Variants in GRAMD4 observed in about 807,000 individuals in gnomAD.
GRAMD4 encodes GRAM domain-containing protein 4.
A neutral mutation model predicts 83.9 loss-of-function variants in GRAMD4; 25 were observed. The ratio of observed to expected loss-of-function variants is 0.30; its 90% CI spans 0.22 to 0.42. The LOEUF is 0.42. GRAMD4 is among the 10% of genes least tolerant of loss of function. GRAMD4 has a pLI of 1.00. For missense variants in GRAMD4, 593 were observed against 788.7 expected (o/e 0.75, Z 2.97); for synonymous variants, 336 against 320.9 (o/e 1.05, Z -0.50).
At chr22:46,660,595 T>C (rs1478889056) in intron 4 of GRAMD4, among the ~76,000 whole-genome samples, 1 of 152,238 alleles carries the variant, frequency 6.6e-6, no homozygotes, top group Non-Finnish European at 1.5e-5. Flanking sequence ...AAGAAAATTC[T>C]CAGAAAGTCA....
At chr22:46,592,964 C>T (rs1447227695) in intron 1 of GRAMD4, among the ~76,000 whole-genome samples, 2 of 152,154 alleles carry the variant, frequency 1.3e-5, no homozygotes, top group Non-Finnish European at 2.9e-5. Context: ...ATAAACCCCA[C>T]ATTGTGATTA....
At chr22:46,635,107 G>A (rs145621144) in intron 2 of GRAMD4, among the ~76,000 whole-genome samples, 1,255 of 70,624 alleles carry the variant, frequency 0.018, 30 homozygotes, top group African/African-American at 0.03. Context: ...CCCTGCCCCC[G>A]CCCCCAGCCA....
At chr22:46,650,636 G>T (rs1349240376) in intron 3 of GRAMD4, among the ~76,000 whole-genome samples, 1 of 152,270 alleles carries the variant, frequency 6.6e-6, no homozygotes, top group Non-Finnish European at 1.5e-5. Context: ...CGTGAAGGCT[G>T]GAGCAGGTGG....
intron 5 of GRAMD4, among the ~76,000 whole-genome samples, chr22:46,662,452 T>A (rs2082342261): frequency 6.6e-6 from 1 of 152,250 alleles, no homozygotes; most frequent in South Asian, 2.1e-4. Context: ...TTTCCCGCCG[T>A]GGAGGCTGCT....
chr22:46,637,929 G>A lies in GRAMD4; in HGVS notation c.252G>A (p.Leu84=). The change falls in exon 3 of 19, where the codon CTG becomes CTA. Residue 84 remains leucine, a synonymous_variant. Coordinates refer to ENST00000406902, the MANE Select transcript of GRAMD4 (RefSeq NM_015124.5). ...FDRLNEIKGH[L]EIALLEKHFL... is the part of the protein sequence containing the mutation. ...GACTGAATGAGATCAAAGGTCACCT[G>A]GAAATTGCCTTATTGGAAAAACATT... The A allele has an allele frequency of 6.2e-7, 1 of 1,614,076 alleles. No individual in the cohort carries two copies. The highest frequency in any genetic ancestry group is 1.3e-5 in the African/African-American group (1 of 75,050).
chr22:46,680,586 C>CCACCCACCCCCCCATT, downstream of GRAMD4, among the ~76,000 whole-genome samples: 1 of 23,146 alleles, frequency 4.3e-5, no homozygotes. Flanking sequence ...ATCCATCCAT[C>CCACCCACCCCCCCATT]CATCCATCCA....
chr22:46,582,390 G>A (rs1016676545), intron 1 of GRAMD4, among the ~76,000 whole-genome samples: 5 of 152,168 alleles, frequency 3.3e-5, no homozygotes, highest in South Asian at 2.1e-4. Flanking sequence ...TTCCCCTGCC[G>A]GCCGTTCCTG....
chr22:46,676,689 C>G lies in GRAMD4; in HGVS notation c.1632+21C>G, dbSNP rs112693431. 6 of 1,545,758 alleles carry G rather than the reference C, an allele frequency of 3.9e-6. No homozygotes were observed. The East Asian group carries it at 1.2e-4, about 31-fold the overall frequency. ...AGAAAGTAGGTGCCGGGCGGGGGGC[C>G]GCCAAGGGGTTGGTGTGGGCCCAGG... On this transcript the variant is annotated intron_variant, in intron 18 of 18. Transcript: ENST00000406902.
chr22:46,643,517 A>G (rs2082021749), intron 3 of GRAMD4, among the ~76,000 whole-genome samples: 2 of 152,364 alleles, frequency 1.3e-5, no homozygotes, highest in Admixed American at 1.3e-4. Flanking sequence ...TAACATTGAT[A>G]CAATGCTATT....
intron 1 of GRAMD4, among the ~76,000 whole-genome samples, chr22:46,604,621 A>G (rs1266838665): frequency 6.6e-6 from 1 of 152,078 alleles, no homozygotes; most frequent in Non-Finnish European, 1.5e-5. Flanking sequence ...TCCTCTGGGG[A>G]CTGCAGATAA....
chr22:46,659,659 C>A lies in GRAMD4; in HGVS notation c.404+1352C>A, dbSNP rs1448892641. Among the ~76,000 whole-genome samples, 2 of 152,160 alleles carry A rather than the reference C, an allele frequency of 1.3e-5. No individual in the cohort carries two copies. Among genetic ancestry groups the A allele is most frequent in the African/African-American group, 4.8e-5 (2 of 41,440 alleles). ...GGATCCGCTGGGCTGACTCCCACTT[C>A]TTCCTTGCCCGCCTCCTGCAGGTCA... On this transcript the variant is annotated intron_variant, in intron 4 of 18. Transcript: ENST00000406902. This position sits in a 1 kb window ranked among gnomAD's most constrained non-coding sequence, Gnocchi z 4.1.
At chr22:46,636,384 T>C (rs2081888684) in intron 2 of GRAMD4, among the ~76,000 whole-genome samples, 1 of 152,204 alleles carries the variant, frequency 6.6e-6, no homozygotes, top group Non-Finnish European at 1.5e-5. Context: ...CCTCCACTCA[T>C]GCCCTGGGAA....
At position 46,655,932 on chromosome 22, in the gene GRAMD4, A is replaced by G. The variant is rs376917768; in HGVS notation, c.284-2255A>G. Among the ~76,000 whole-genome samples the G allele has an allele frequency of 5.3e-5, 8 of 151,694 alleles. No homozygotes were observed. In the East Asian group the frequency reaches 1.4e-3, roughly 26 times the overall value. On this transcript the variant is annotated intron_variant, in intron 3 of 18. Transcript: ENST00000406902. ...GGTCGGGGACCTCCGTCCGCGGAGAAAAGTAGCCGTGCCAGGGCCAGACGC... is the reference window on the plus strand; with the variant it reads ...GGTCGGGGACCTCCGTCCGCGGAGAGAAGTAGCCGTGCCAGGGCCAGACGC...
chr22:46,580,975 A>AG (rs2147896086), intron 1 of GRAMD4, among the ~76,000 whole-genome samples: 1 of 151,664 alleles, frequency 6.6e-6, no homozygotes. Context: ...CTCAAAAAAA[A>AG]AAAAAAAAAG....
At position 46,655,843 on chromosome 22, in the gene GRAMD4, C is replaced by G. The variant is rs866079346; in HGVS notation, c.284-2344C>G. Among the ~76,000 whole-genome samples, 38 of 152,364 alleles carry G rather than the reference C, an allele frequency of 2.5e-4. 1 individual carries two copies. In the Middle Eastern group the frequency reaches 0.02, roughly 82 times the overall value. On this transcript the variant is annotated intron_variant, in intron 3 of 18. Transcript: ENST00000406902. ...CCGGGACTGAGCACTTGGTACCTTG[C>G]AGCCTGTCCTGAGCCCTGGGGAGGC...
At chr22:46,638,219 G>A (rs892957137) in intron 3 of GRAMD4, among the ~76,000 whole-genome samples, 1 of 152,266 alleles carries the variant, frequency 6.6e-6, no homozygotes, top group Admixed American at 6.5e-5. Flanking sequence ...GGGGCTGGGG[G>A]CGTGGGGGCC....
intron 1 of GRAMD4, among the ~76,000 whole-genome samples, chr22:46,611,860 G>A (rs1013297257): frequency 4.6e-5 from 7 of 150,912 alleles, no homozygotes; most frequent in African/African-American, 1.7e-4. Context: ...AGCCGGGCAT[G>A]GTGGGGGGCA....
At chr22:46,675,346 G>A in intron 16 of GRAMD4, 122 bp from the exon 17 acceptor site, 1 of 732,204 alleles carries the variant, frequency 1.4e-6, no homozygotes, top group Non-Finnish European at 2.5e-6. Flanking sequence ...TGTGTCTGCT[G>A]GGAAGGGAGC....
At chr22:46,637,808 GC>G (rs1180214760) in intron 2 of GRAMD4, 31 bp from the exon 3 acceptor site, 1 of 1,611,882 alleles carries the variant, frequency 6.2e-7, no homozygotes, top group Admixed American at 1.7e-5. Flanking sequence ...GCCACAGGTG[GC>G]CCCTTTGAGC....
Sources: allele counts gnomAD v4.1 joint callset (sites outside exome capture counted in the v4.1 genomes callset), GRCh38; gene constraint gnomAD v4.1.1; non-coding constraint Gnocchi (gnomAD v3.1); transcripts MANE v1.5; gene names NCBI Gene and HGNC (gene_info 2026-07-23, HGNC 2026-07-21).